ZFAND6: variants seen among roughly 807,000 people sequenced by gnomAD.
ZFAND6 encodes AN1-type zinc finger protein 6.
In ZFAND6, 12 loss-of-function variants were observed where a neutral mutation model predicts 24.5. The ratio of observed to expected loss-of-function variants is 0.49; its 90% CI spans 0.31 to 0.79. The LOEUF is 0.79. Among genes scored for constraint, ZFAND6 ranks in the 30% least tolerant of loss-of-function variants. The pLI, the probability that ZFAND6 is intolerant of heterozygous loss-of-function variation, is 0.04. For synonymous variants in ZFAND6, 92 were observed against 81.5 expected (o/e 1.13, Z -0.69); for missense variants, 207 against 245.9 (o/e 0.84, Z 1.06).
intron 1 of ZFAND6, among the ~76,000 whole-genome samples, chr15:80,094,075 C>T (rs760493222): frequency 6.6e-6 from 1 of 152,178 alleles, no homozygotes; most frequent in African/African-American, 2.4e-5. Context: ...TGTGTGGAAA[C>T]AAGATAAGGA....
At chr15:80,100,154 G>C (rs2038958319) in intron 2 of ZFAND6, among the ~76,000 whole-genome samples, 1 of 152,030 alleles carries the variant, frequency 6.6e-6, no homozygotes, top group Admixed American at 6.6e-5. Flanking sequence ...TGATTACAAG[G>C]CTCACTTTAA....
chr15:80,082,138 T>TA (rs2037707475), intron 1 of ZFAND6, among the ~76,000 whole-genome samples: 1 of 152,086 alleles, frequency 6.6e-6, no homozygotes, highest in South Asian at 2.1e-4. Flanking sequence ...GGGGAAGAGG[T>TA]ATGGAGTATA....
At chr15:80,099,100 C>T (rs1488102483) in intron 2 of ZFAND6, among the ~76,000 whole-genome samples, 1 of 151,990 alleles carries the variant, frequency 6.6e-6, no homozygotes, top group Non-Finnish European at 1.5e-5. Flanking sequence ...CCCTTGTTCC[C>T]TAAATGCAGT....
intron 1 of ZFAND6, among the ~76,000 whole-genome samples, chr15:80,073,626 A>G (rs924110378): frequency 6.6e-6 from 1 of 151,906 alleles, no homozygotes; most frequent in Non-Finnish European, 1.5e-5. Flanking sequence ...CAATAGTGTA[A>G]TAATAATGAA....
intron 2 of ZFAND6, chr15:80,112,689 C>G (rs2039670058): frequency 4.5e-6 from 2 of 444,900 alleles, no homozygotes; most frequent in African/African-American, 4.0e-5. Context: ...AGCCCCTGCA[C>G]CTGGCCAGAT....
intron 1 of ZFAND6, among the ~76,000 whole-genome samples, chr15:80,080,355 T>C (rs1413547839): frequency 6.6e-6 from 1 of 152,218 alleles, no homozygotes; most frequent in Non-Finnish European, 1.5e-5. Context: ...TATACAGTAG[T>C]TGCCCCTTAT....
chr15:80,134,855 C>T (rs890526013), intron 6 of ZFAND6, among the ~76,000 whole-genome samples: 38 of 152,316 alleles, frequency 2.5e-4, no homozygotes, highest in African/African-American at 8.9e-4. Context: ...CAGAAGGGGT[C>T]TGATTATTCA....
intron 1 of ZFAND6, among the ~76,000 whole-genome samples, chr15:80,066,994 G>C (rs2036686185): frequency 6.6e-6 from 1 of 152,090 alleles, no homozygotes; most frequent in African/African-American, 2.4e-5. Flanking sequence ...AGAAAATTTG[G>C]AACTTTGATT....
intron 1 of ZFAND6, among the ~76,000 whole-genome samples, chr15:80,079,037 C>G (rs531904968): frequency 1.6e-4 from 24 of 151,268 alleles, no homozygotes; most frequent in African/African-American, 2.9e-4. Context: ...ATCCCTCCCC[C>G]CTCCCGCCAC....
chr15:80,096,928 G>A (rs1271742528), intron 1 of ZFAND6, among the ~76,000 whole-genome samples: 1 of 151,918 alleles, frequency 6.6e-6, no homozygotes, highest in Non-Finnish European at 1.5e-5. Flanking sequence ...AAACATCAAA[G>A]CCTAGAATCT....
intron 6 of ZFAND6, among the ~76,000 whole-genome samples, chr15:80,135,149 T>C (rs1236941163): frequency 1.3e-5 from 2 of 152,248 alleles, no homozygotes; most frequent in Non-Finnish European, 2.9e-5. Flanking sequence ...TTTATGATGA[T>C]CGACTTTCAC....
chr15:80,135,259 A>C (rs969759457), intron 6 of ZFAND6, among the ~76,000 whole-genome samples: 2 of 152,246 alleles, frequency 1.3e-5, no homozygotes, highest in Non-Finnish European at 2.9e-5. Context: ...ATATATTAAT[A>C]ATATACAAAC....
At chr15:80,072,479 C>G (rs1008726776) in intron 1 of ZFAND6, 2 of 151,962 alleles carry the variant, frequency 1.3e-5, no homozygotes, top group Non-Finnish European at 2.9e-5. Context: ...GGATATTAGC[C>G]GTATCCAATC....
chr15:80,103,983 G>A (rs532313009), intron 2 of ZFAND6, among the ~76,000 whole-genome samples: 1 of 152,152 alleles, frequency 6.6e-6, no homozygotes, highest in African/African-American at 2.4e-5. Flanking sequence ...TGAGTAGCTG[G>A]GACCACAGCT....
At position 80,137,603 on chromosome 15, in the gene ZFAND6, T is replaced by C. The variant is rs761166995; in HGVS notation, c.602T>C (p.Val201Ala). 2.5e-6 allele frequency: 4 copies of C among 1,596,198 alleles called. No homozygotes were observed. In the East Asian group the frequency reaches 9.0e-5, roughly 36 times the overall value. The stretch of plus-strand genomic sequence containing the variant: ...ATCAGAAAAGAAAATCCAGTAGTTG[T>C]TGGTGAAAAGATCCAAAAGATTTGA... ...EKIRKENPVV[V>A]GEKIQKI Residue 201 changes from valine to alanine, a missense_variant, in exon 7 of 7, where the codon GTT (valine) becomes GCT (alanine). This residue lies in a region of ZFAND6 where 45 missense variants were observed against 67.7 expected (regional missense o/e 0.66). Coordinates refer to ENST00000261749, the MANE Select transcript of ZFAND6 (RefSeq NM_019006.4).
chr15:80,106,388 C>G (rs1596276313), intron 2 of ZFAND6, among the ~76,000 whole-genome samples: 1 of 152,106 alleles, frequency 6.6e-6, no homozygotes, highest in Admixed American at 6.6e-5. Flanking sequence ...ACAGCCATTC[C>G]TATTCATTTA....
Position 80,121,777 on chromosome 15 carries a change from G to T in ZFAND6, c.220G>T (p.Ala74Ser). Residue 74 changes from alanine (A) to serine (S), a missense_variant, in exon 4 of 7, where the codon GCC (alanine) becomes TCC (serine). Transcript: ENST00000261749. ...VQCTDGSVPEAQSALDSTSSS... is the reference protein window; with the variant it reads ...VQCTDGSVPESQSALDSTSSS... The stretch of plus-strand genomic sequence containing the variant: ...ATGCACAGATGGCAGTGTGCCAGAA[G>T]CCCAGTCAGCATTAGACTCTACATC... 1 of 1,613,838 alleles carries T rather than the reference G, an allele frequency of 6.2e-7. No individual in the cohort carries two copies. Among genetic ancestry groups the T allele is most frequent in the Non-Finnish European group, 8.5e-7 (1 of 1,179,838 alleles).
chr15:80,087,923 A>G (rs2038101500), intron 1 of ZFAND6, among the ~76,000 whole-genome samples: 1 of 152,176 alleles, frequency 6.6e-6, no homozygotes, highest in Non-Finnish European at 1.5e-5. Flanking sequence ...TATAATACAT[A>G]TGCATGCTAT....
intron 2 of ZFAND6, chr15:80,112,901 A>G (rs1478624737): frequency 4.4e-6 from 2 of 455,750 alleles, no homozygotes; most frequent in African/African-American, 4.0e-5. Context: ...AGAGTGTACC[A>G]CAAATCCTAT....
Sources: gnomAD v4.1 joint callset for allele counts (sites outside exome capture counted in the v4.1 genomes callset) on GRCh38, gnomAD v4.1.1 for gene constraint, gnomAD v4.1.1 regional missense constraint, MANE v1.5 for transcripts, NCBI Gene and HGNC (gene_info 2026-07-23, HGNC 2026-07-21) for gene names.